SDK2: variants seen among roughly 807,000 people sequenced by gnomAD.
The protein encoded by SDK2 is sidekick cell adhesion molecule 2, also known as protein sidekick-2.
In SDK2, 105 loss-of-function variants were observed where a neutral mutation model predicts 253.9. The observed-to-expected ratio is 0.41, with a 90% CI of 0.35 to 0.49. The LOEUF is 0.49. Ranked by LOEUF, SDK2 falls within the 20% of genes least tolerant of loss-of-function variation. The probability of loss-of-function intolerance (pLI) is 0.06; values close to 1 mark genes in which losing one functional copy is unlikely to be tolerated. For synonymous variants in SDK2, 1,249 were observed against 1,234.9 expected, an observed-to-expected ratio of 1.01 and a Z score of -0.24; for missense variants, 2,608 against 3,003.0, an observed-to-expected ratio of 0.87 and a Z score of 3.07.
intron 1 of SDK2, among the ~76,000 whole-genome samples, chr17:73,568,940 A>C (rs115937734): frequency 0.011 from 1,723 of 152,222 alleles, 39 homozygotes; most frequent in African/African-American, 0.04. Context: ...AAGTGCACAC[A>C]GGGGGCAAAG....
In SDK2 at chr17:73,443,382, T is replaced by C. The variant is rs2063430232; in HGVS notation, c.614-2459A>G. Among the ~76,000 whole-genome samples the C allele has an allele frequency of 6.6e-6, 1 of 152,256 alleles. No homozygotes were observed. ...GCGATCGGATTGAAAGCTGCTGATA[T>C]AGCTGAATCCATAAAAGTGTGCTCT... On this transcript the variant is annotated intron_variant, in intron 5 of 44. Transcript: ENST00000392650. This position sits in a 1 kb window ranked among gnomAD's most constrained non-coding sequence, Gnocchi z 4.6.
In SDK2 at chr17:73,361,659, C is replaced by CA; in HGVS notation, c.5467+24dup. On this transcript the variant is annotated intron_variant, in intron 39 of 44. Transcript: ENST00000392650. The surrounding 1 kb of genome is among the most constrained non-coding windows in gnomAD (Gnocchi z 4.1). ...GGACGCTGAACCGCCGTGTGGAAGA[C>CA]ATGCCTGGTCCGTTGCTCTCCTACC... 1 of 1,599,418 alleles carries CA rather than the reference C, an allele frequency of 6.3e-7. No individual in the cohort carries two copies. Among genetic ancestry groups the CA allele is most frequent in the Non-Finnish European group, 8.6e-7 (1 of 1,168,012 alleles).
At chr17:73,561,979 A>C (rs59002766) in intron 1 of SDK2, among the ~76,000 whole-genome samples, 2,800 of 152,224 alleles carry the variant, frequency 0.018, 102 homozygotes, top group African/African-American at 0.064. Flanking sequence ...TACAAAAATT[A>C]GCTGGGCGTG....
rs1047355748 is a variant in SDK2 at position 73,534,031 on chromosome 17, C to T, written c.65-26434G>A. Among the ~76,000 whole-genome samples the T allele has an allele frequency of 7.9e-5, 12 of 152,186 alleles. No homozygotes were observed. Among genetic ancestry groups the T allele is most frequent in the Non-Finnish European group, 1.6e-4 (11 of 68,038 alleles). On this transcript the variant is annotated intron_variant, in intron 1 of 44. Coordinates refer to ENST00000392650, the MANE Select transcript of SDK2 (RefSeq NM_001144952.2). The surrounding 1 kb of genome is among the most constrained non-coding windows in gnomAD (Gnocchi z 4.9). The stretch of plus-strand genomic sequence containing the variant: ...CGCTTGCAGCCAAGACGCCATTCTG[C>T]TCCGCCTGCTCCCTGCTCCTCCTCC...
At chr17:73,630,447 C>T (rs1567882896) in intron 1 of SDK2, among the ~76,000 whole-genome samples, 1 of 152,102 alleles carries the variant, frequency 6.6e-6, no homozygotes, top group Non-Finnish European at 1.5e-5. Context: ...AGGGCACCCC[C>T]TCATCCCTCC....
rs368689738 is a variant in SDK2, at chr17:73,419,347, A to G, written c.2046-41T>C. 6 of 1,597,646 alleles carry G rather than the reference A, an allele frequency of 3.8e-6. No homozygotes were observed. The African/African-American group carries it at 6.7e-5, about 18-fold the overall frequency. ...CCAATGCTCTTAGTCTTGGGGTCAA[A>G]CACAGGAGTTGAATGGGATATGAGA... On this transcript the variant is annotated intron_variant, in intron 15 of 44. Coordinates refer to ENST00000392650, the MANE Select transcript of SDK2 (RefSeq NM_001144952.2).
In SDK2 at chr17:73,618,662, G is replaced by A. The variant is rs1006476515; in HGVS notation, c.64+25363C>T. ...GCATGGGGGAGTCAGGGAAGCAGAG[G>A]CCAAGCAAGACTCTTCTACAGGGAA... On this transcript the variant is annotated intron_variant, in intron 1 of 44. Transcript: ENST00000392650. This position sits in a 1 kb window ranked among gnomAD's most constrained non-coding sequence, Gnocchi z 4.1. Among the ~76,000 whole-genome samples the A allele has an allele frequency of 6.6e-6, 1 of 152,278 alleles. No homozygotes were observed. The highest frequency in any genetic ancestry group is 2.4e-5 in the African/African-American group (1 of 41,566).
chr17:73,526,508 C>G (rs747651794), intron 1 of SDK2, among the ~76,000 whole-genome samples: 1 of 152,150 alleles, frequency 6.6e-6, no homozygotes, highest in African/African-American at 2.4e-5. Context: ...TTCAATGAAT[C>G]AATGAATGAA....
At chr17:73,521,165 G>A (rs1362333203) in intron 1 of SDK2, 4 of 150,434 alleles carry the variant, frequency 2.7e-5, no homozygotes, top group East Asian at 3.9e-4. Flanking sequence ...TTAGCCTCTC[G>A]AGTACCTGGG....
At chr17:73,509,627 CAAAAA>C (rs111605845) in intron 1 of SDK2, among the ~76,000 whole-genome samples, 10 of 81,242 alleles carry the variant, frequency 1.2e-4, no homozygotes, top group Non-Finnish European at 1.6e-4. Context: ...CCCTCTTCAC[CAAAAA>C]AAAAAAAAAA....
At chr17:73,348,746 G>C in intron 43 of SDK2, 21 bp from the exon 44 acceptor site, 2 of 1,597,656 alleles carry the variant, frequency 1.3e-6, no homozygotes, top group South Asian at 2.2e-5. Context: ...CGGGGGAGTG[G>C]GGCCGAGAGG....
At chr17:73,348,807 C>T (rs2062508987) in intron 43 of SDK2, 82 bp from the exon 44 acceptor site, 2 of 1,156,886 alleles carry the variant, frequency 1.7e-6, no homozygotes, top group African/African-American at 3.0e-5. Flanking sequence ...ACAGTGGGGG[C>T]CTGGGGAACA....
chr17:73,561,372 G>C (rs571173414), intron 1 of SDK2, among the ~76,000 whole-genome samples: 27 of 152,220 alleles, frequency 1.8e-4, no homozygotes, highest in Non-Finnish European at 3.4e-4. Context: ...AAAGGGGCTA[G>C]GGTAGGGAGA....
At position 73,606,621 on chromosome 17, in the gene SDK2, G is replaced by A. The variant is rs966866287; in HGVS notation, c.64+37404C>T. 2.6e-5 allele frequency among the ~76,000 whole-genome samples: 4 copies of A among 152,150 alleles called. 1 individual carries two copies. The highest frequency in any genetic ancestry group is 5.9e-5 in the Non-Finnish European group (4 of 68,040). On this transcript the variant is annotated intron_variant, in intron 1 of 44. Transcript: ENST00000392650. ...ATAAATCGACAAACGTGCTGTGGCT[G>A]GTGAATGGTGAAATTAGGTTCAAAC...
Position 73,338,418 on chromosome 17 carries a change from CT to C in SDK2, c.*168del. On this transcript the variant is annotated 3_prime_UTR_variant, in exon 45 of 45. Coordinates refer to ENST00000392650, the MANE Select transcript of SDK2 (RefSeq NM_001144952.2). The surrounding 1 kb of genome is among the most constrained non-coding windows in gnomAD (Gnocchi z 5.0). ...CACACATCCTCTCACGGTTTTCTCC[CT>C]CCTTCTGAACGCCGGCTTTGCTGGC... 1.4e-6 allele frequency: 1 copy of C among 701,098 alleles called. No individual in the cohort carries two copies. Among genetic ancestry groups the C allele is most frequent in the Non-Finnish European group, 2.6e-6 (1 of 385,886 alleles). 43.4% of individuals were successfully genotyped at this position (701,098 alleles called of 1,614,324 possible).
rs2062801023 is a variant in SDK2 at position 73,378,362 on chromosome 17, A to G, written c.4980+815T>C. ...AGTGATCCGCCCACCTTGGCCTCCT[A>G]AAGTGCGGGAATTACAGGTGTGAGC... On this transcript the variant is annotated intron_variant, in intron 36 of 44. Coordinates refer to ENST00000392650, the MANE Select transcript of SDK2 (RefSeq NM_001144952.2). Among the ~76,000 whole-genome samples the G allele has an allele frequency of 2.0e-5, 3 of 152,086 alleles. No homozygotes were observed. The South Asian group carries it at 6.2e-4, about 32-fold the overall frequency.
intron 1 of SDK2, among the ~76,000 whole-genome samples, chr17:73,587,992 T>C (rs983674901): frequency 1.3e-5 from 2 of 152,156 alleles, no homozygotes; most frequent in African/African-American, 4.8e-5. Flanking sequence ...ACCATGTTCA[T>C]AAGACTCTAG....
At position 73,556,419 on chromosome 17, in the gene SDK2, C is replaced by T. The variant is rs2045144770; in HGVS notation, c.65-48822G>A. Among the ~76,000 whole-genome samples the T allele has an allele frequency of 1.3e-5, 2 of 152,156 alleles. 1 individual carries two copies. The highest frequency in any genetic ancestry group is 4.1e-4 in the South Asian group (2 of 4,824). On this transcript the variant is annotated intron_variant, in intron 1 of 44. Coordinates refer to ENST00000392650, the MANE Select transcript of SDK2 (RefSeq NM_001144952.2). ...CAGATGGGAAAGAAATACAATGGCT[C>T]TCTCTTGGCTTCCTCCGAAGAGCCA... is the stretch of plus-strand genomic sequence containing the variant.
At chr17:73,479,926 C>T (rs1044447552) in intron 2 of SDK2, among the ~76,000 whole-genome samples, 3 of 152,240 alleles carry the variant, frequency 2.0e-5, no homozygotes, top group African/African-American at 7.2e-5. Context: ...CTCCTGACCT[C>T]AGGTGATCCA....
Sources: allele counts gnomAD v4.1 joint callset (sites outside exome capture counted in the v4.1 genomes callset), GRCh38; gene constraint gnomAD v4.1.1; non-coding constraint Gnocchi (gnomAD v3.1); transcripts MANE v1.5; gene names NCBI Gene and HGNC (gene_info 2026-07-23, HGNC 2026-07-21).